The following EPHB1 variants were observed in gnomAD, a reference collection of about 807,000 sequenced individuals.
The protein encoded by EPHB1 is ephrin type-B receptor 1.
Under a neutral mutation model 94.4 loss-of-function variants are expected in EPHB1, and 30 were observed. The ratio of observed to expected loss-of-function variants is 0.32; its 90% CI spans 0.24 to 0.43. The LOEUF is 0.43. Among genes scored for constraint, EPHB1 ranks in the 20% least tolerant of loss-of-function variants. The pLI is 1.00. For missense variants in EPHB1, 1,055 were observed against 1,308.3 expected (o/e 0.81, Z 2.99); for synonymous variants, 522 against 489.1 (o/e 1.07, Z -0.89).
chr3:135,198,068 A>G (rs951973472), intron 11 of EPHB1, among the ~76,000 whole-genome samples: 4 of 149,184 alleles, frequency 2.7e-5, no homozygotes, highest in Non-Finnish European at 6.1e-5. Context: ...GCATATTCCA[A>G]TGGCAAAAGC....
At chr3:135,184,542 C>A (rs1040073934) in intron 10 of EPHB1, among the ~76,000 whole-genome samples, 1 of 152,172 alleles carries the variant, frequency 6.6e-6, no homozygotes, top group Non-Finnish European at 1.5e-5. Flanking sequence ...TGGCCTAGTG[C>A]ATGGCACTTA....
intron 11 of EPHB1, among the ~76,000 whole-genome samples, chr3:135,193,553 G>T (rs542582846): frequency 6.6e-5 from 10 of 152,328 alleles, no homozygotes; most frequent in African/African-American, 2.4e-4. Flanking sequence ...GGGAGTGGAA[G>T]CTGATAGCTT....
intron 14 of EPHB1, among the ~76,000 whole-genome samples, chr3:135,248,795 A>G (rs781502184): frequency 6.6e-6 from 1 of 152,120 alleles, no homozygotes; most frequent in African/African-American, 2.4e-5. Flanking sequence ...AGGATTGGAC[A>G]TGGATATTGA....
intron 12 of EPHB1, among the ~76,000 whole-genome samples, chr3:135,213,780 G>A (rs1272915469): frequency 2.0e-5 from 3 of 152,152 alleles, no homozygotes; most frequent in Non-Finnish European, 2.9e-5. Flanking sequence ...CCCTCTGTGA[G>A]CATAATTTTC....
intron 1 of EPHB1, among the ~76,000 whole-genome samples, chr3:134,857,861 G>T (rs963769497): frequency 3.9e-5 from 6 of 152,178 alleles, no homozygotes; most frequent in African/African-American, 7.2e-5. Flanking sequence ...ATCTAAGTAG[G>T]TATTCTGGCT....
intron 1 of EPHB1, among the ~76,000 whole-genome samples, chr3:134,867,241 C>G (rs1344745462): frequency 6.6e-6 from 1 of 152,194 alleles, no homozygotes; most frequent in Non-Finnish European, 1.5e-5. Context: ...TCTTTAGTTT[C>G]CCTTCAAAAA....
At chr3:135,016,714 G>T (rs534829122) in intron 3 of EPHB1, among the ~76,000 whole-genome samples, 75 of 152,346 alleles carry the variant, frequency 4.9e-4, no homozygotes, top group African/African-American at 1.7e-3. Context: ...CTACATGGCA[G>T]CGGGGTGCCA....
intron 15 of EPHB1, 53 bp from the exon 16 acceptor site, chr3:135,258,959 C>A: frequency 7.1e-7 from 1 of 1,408,148 alleles, no homozygotes; most frequent in Non-Finnish European, 9.9e-7. Flanking sequence ...TTTTGATCTG[C>A]GAAAAGCTAA....
intron 3 of EPHB1, among the ~76,000 whole-genome samples, chr3:135,030,961 A>G (rs568673462): frequency 2.6e-5 from 4 of 152,306 alleles, no homozygotes; most frequent in East Asian, 1.9e-4. Flanking sequence ...AAAGCGCAGT[A>G]TTCGGGTGGG....
At chr3:135,192,505 T>C in intron 10 of EPHB1, 71 bp from the exon 11 acceptor site, 1 of 1,558,414 alleles carries the variant, frequency 6.4e-7, no homozygotes, top group Non-Finnish European at 8.7e-7. Context: ...TTGTTCTCCA[T>C]TAGATGACTT....
chr3:135,177,751 A>G (rs984305876), intron 9 of EPHB1, among the ~76,000 whole-genome samples: 7 of 152,136 alleles, frequency 4.6e-5, no homozygotes, highest in Non-Finnish European at 8.8e-5. Context: ...GGGGGAACCC[A>G]AGGTAAGACA....
At chr3:134,957,360 T>C (rs897717190) in intron 3 of EPHB1, among the ~76,000 whole-genome samples, 52 of 152,270 alleles carry the variant, frequency 3.4e-4, no homozygotes, top group African/African-American at 1.2e-3. Context: ...GAAGATATTA[T>C]AGGGTTACTG....
At chr3:134,874,133 T>A (rs2037563409) in intron 1 of EPHB1, among the ~76,000 whole-genome samples, 1 of 152,196 alleles carries the variant, frequency 6.6e-6, no homozygotes, top group African/African-American at 2.4e-5. Context: ...GAACTTTGGA[T>A]ATTCTTTAAT....
chr3:135,228,176 A>T (rs1174746280), intron 12 of EPHB1, among the ~76,000 whole-genome samples: 1 of 152,110 alleles, frequency 6.6e-6, no homozygotes, highest in Non-Finnish European at 1.5e-5. Context: ...GACTGCATTT[A>T]GTTATCATGT....
chr3:135,147,219 A>T (rs952372486), intron 5 of EPHB1, among the ~76,000 whole-genome samples: 16 of 150,676 alleles, frequency 1.1e-4, no homozygotes, highest in African/African-American at 4.0e-4. Context: ...TTTTCTTCAC[A>T]GCTATGGTCT....
intron 3 of EPHB1, among the ~76,000 whole-genome samples, chr3:135,093,788 A>G (rs1938648979): frequency 6.6e-6 from 1 of 152,206 alleles, no homozygotes; most frequent in African/African-American, 2.4e-5. Flanking sequence ...ATTGGAAAAT[A>G]TAGATCATAA....
chr3:135,086,545 C>A (rs1475349685), intron 3 of EPHB1, among the ~76,000 whole-genome samples: 1 of 151,678 alleles, frequency 6.6e-6, no homozygotes, highest in African/African-American at 2.4e-5. Flanking sequence ...CTCTTTCCAC[C>A]ACCATGCCTT....
intron 1 of EPHB1, among the ~76,000 whole-genome samples, chr3:134,858,888 G>C (rs1034151541): frequency 2.0e-5 from 3 of 152,136 alleles, no homozygotes; most frequent in Admixed American, 2.0e-4. Context: ...CTGAAGATAC[G>C]GGGCCCCTTC....
chr3:135,050,353 A>G lies in EPHB1; in HGVS notation c.806-56095A>G, dbSNP rs1156299016. Among the ~76,000 whole-genome samples the G allele has an allele frequency of 4.6e-5, 7 of 152,364 alleles. No individual in the cohort carries two copies. The East Asian group carries it at 1.3e-3, about 29-fold the overall frequency. ...TCCCCATGCCCCAAATGGTAAGGAC[A>G]TAATGTACAGCATAGTTCTTTAAAT... On this transcript the variant is annotated intron_variant, in intron 3 of 15. Transcript: ENST00000398015.
Sources: allele counts gnomAD v4.1 joint callset (sites outside exome capture counted in the v4.1 genomes callset), GRCh38; gene constraint gnomAD v4.1.1; transcripts MANE v1.5; gene names NCBI Gene and HGNC (gene_info 2026-07-23, HGNC 2026-07-21).